Variants in ARID4B observed in about 807,000 individuals in gnomAD.
ARID4B encodes the protein AT-rich interactive domain-containing protein 4B.
A neutral mutation model predicts 147.5 loss-of-function variants in ARID4B; 26 were observed. The observed-to-expected ratio is 0.18, with a 90% CI of 0.13 to 0.24. ARID4B has a LOEUF of 0.24. Ranked by LOEUF, ARID4B falls within the 10% of genes least tolerant of loss-of-function variation. The probability of loss-of-function intolerance (pLI) is 1.00; values close to 1 mark genes in which losing one functional copy is unlikely to be tolerated. For missense variants in ARID4B, 1,179 were observed against 1,511.5 expected, an observed-to-expected ratio of 0.78 and a Z score of 3.65; for synonymous variants, 512 against 507.9, an observed-to-expected ratio of 1.01 and a Z score of -0.11.
intron 3 of ARID4B, among the ~76,000 whole-genome samples, chr1:235,259,930 C>T (rs191498385): frequency 3.2e-4 from 49 of 152,282 alleles, no homozygotes; most frequent in African/African-American, 1.0e-3. Context: ...CAATCTCATC[C>T]TAATATCCCC....
At chr1:235,181,230 G>C in intron 20 of ARID4B, 1 of 707,144 alleles carries the variant, frequency 1.4e-6, no homozygotes, top group Non-Finnish European at 1.8e-6. Context: ...CATTACAATT[G>C]CAAAAACAAT....
chr1:235,296,160 T>C, intron 2 of ARID4B: 1 of 167,594 alleles, frequency 6.0e-6, no homozygotes, highest in Non-Finnish European at 1.3e-5. Context: ...TCAACAACAT[T>C]CTTGTGTTCA....
intron 2 of ARID4B, among the ~76,000 whole-genome samples, chr1:235,302,333 AGGAGG>A (rs571325353): frequency 0.011 from 1,017 of 90,644 alleles, 5 homozygotes; most frequent in Admixed American, 0.024. Flanking sequence ...AGGAGGGGAA[AGGAGG>A]GGAGGGGAGG....
At chr1:235,218,058 T>C (rs1171734326) in intron 16 of ARID4B, among the ~76,000 whole-genome samples, 1 of 152,198 alleles carries the variant, frequency 6.6e-6, no homozygotes, top group African/African-American at 2.4e-5. Context: ...AATATGGTCT[T>C]GTCTCACTCT....
At chr1:235,178,748 C>T (rs986600394) in intron 20 of ARID4B, among the ~76,000 whole-genome samples, 14 of 152,052 alleles carry the variant, frequency 9.2e-5, no homozygotes, top group Admixed American at 7.2e-4. Flanking sequence ...AAAGTACTAT[C>T]TCCATTCAGT....
At chr1:235,213,232 C>T (rs1266233550) in intron 17 of ARID4B, among the ~76,000 whole-genome samples, 1 of 152,108 alleles carries the variant, frequency 6.6e-6, no homozygotes, top group African/African-American at 2.4e-5. Flanking sequence ...AGCAGGTCTG[C>T]TTACATGTTC....
chr1:235,181,357 C>A (rs1349745862), intron 20 of ARID4B: 59 of 682,004 alleles, frequency 8.7e-5, no homozygotes, highest in Non-Finnish European at 1.3e-4. Flanking sequence ...TTCTGGTCCA[C>A]AATAAAATGC....
intron 19 of ARID4B, among the ~76,000 whole-genome samples, chr1:235,193,085 CT>C (rs1443279338): frequency 2.0e-5 from 3 of 149,808 alleles, no homozygotes; most frequent in Non-Finnish European, 3.0e-5. Context: ...CAGAGCGAGA[CT>C]CCGTCTCAAA....
chr1:235,230,730 T>C (rs1668163534), intron 10 of ARID4B, among the ~76,000 whole-genome samples: 1 of 151,720 alleles, frequency 6.6e-6, no homozygotes. Flanking sequence ...GAGACCGGCC[T>C]GGGCAACACG....
intron 21 of ARID4B, among the ~76,000 whole-genome samples, chr1:235,175,983 G>A (rs999510356): frequency 3.3e-5 from 5 of 152,124 alleles, no homozygotes; most frequent in Non-Finnish European, 5.9e-5. Flanking sequence ...AGAAGTCTGT[G>A]TAACAATTAT....
At chr1:235,262,903 T>C (rs967685277) in intron 2 of ARID4B, among the ~76,000 whole-genome samples, 1 of 152,250 alleles carries the variant, frequency 6.6e-6, no homozygotes. Flanking sequence ...TCATAAAATG[T>C]ACATCAATTC....
At position 235,257,169 on chromosome 1, in the gene ARID4B, G is replaced by T; in HGVS notation, c.174C>A (p.Gly58=). The change falls in exon 4 of 24, where the codon GGC becomes GGA. Residue 58 remains glycine, a synonymous_variant. Coordinates refer to ENST00000264183, the MANE Select transcript of ARID4B (RefSeq NM_016374.6). ...TVEVQDDHIK[G]PLKVGAIVEV... ...TGAATACATGAATTACCTTTAGTGG[G>T]CCCTTTATGTGGTCATCCTGAACTT... 1 of 1,607,334 alleles carries T rather than the reference G, an allele frequency of 6.2e-7. No homozygotes were observed. The highest frequency in any genetic ancestry group is 1.1e-5 in the South Asian group (1 of 90,844).
intron 19 of ARID4B, among the ~76,000 whole-genome samples, chr1:235,184,446 A>G (rs1454547620): frequency 6.6e-6 from 1 of 152,166 alleles, no homozygotes; most frequent in Non-Finnish European, 1.5e-5. Flanking sequence ...ACAAAGCAAA[A>G]AAAAAGGGAC....
chr1:235,200,990 A>C (rs1434500021), intron 17 of ARID4B, among the ~76,000 whole-genome samples: 3 of 151,978 alleles, frequency 2.0e-5, no homozygotes, highest in African/African-American at 7.2e-5. Flanking sequence ...AAAAATACAA[A>C]AAAAATTAGC....
At chr1:235,324,214 C>A (rs1054094239) in intron 2 of ARID4B, among the ~76,000 whole-genome samples, 10 of 152,170 alleles carry the variant, frequency 6.6e-5, no homozygotes, top group African/African-American at 2.4e-4. Flanking sequence ...GCCGGCACCA[C>A]TGATTTTTAA....
At chr1:235,255,577 A>T (rs1246193871) in intron 5 of ARID4B, 83 bp downstream of exon 5, 2 of 847,440 alleles carry the variant, frequency 2.4e-6, no homozygotes, top group East Asian at 2.7e-5. Context: ...TAAGAAGTGA[A>T]TCCAGGAAAT....
chr1:235,310,357 T>C (rs1673962204), intron 2 of ARID4B, among the ~76,000 whole-genome samples: 1 of 152,198 alleles, frequency 6.6e-6, no homozygotes, highest in Non-Finnish European at 1.5e-5. Flanking sequence ...TATTATTTAT[T>C]TATAATAACT....
chr1:235,249,769 G>A (rs1386122955), intron 6 of ARID4B, among the ~76,000 whole-genome samples: 3 of 150,222 alleles, frequency 2.0e-5, no homozygotes, highest in Admixed American at 6.6e-5. Flanking sequence ...GTGAAACCCC[G>A]TCTCTACTAA....
chr1:235,177,368 T>C (rs1172374757), intron 21 of ARID4B, among the ~76,000 whole-genome samples: 1 of 152,226 alleles, frequency 6.6e-6, no homozygotes, highest in African/African-American at 2.4e-5. Flanking sequence ...TCATCAGCAA[T>C]CAATACCACC....
Sources: allele counts gnomAD v4.1 joint callset (sites outside exome capture counted in the v4.1 genomes callset), GRCh38; gene constraint gnomAD v4.1.1; transcripts MANE v1.5; gene names NCBI Gene and HGNC (gene_info 2026-07-23, HGNC 2026-07-21).